MAGI2: variants seen among roughly 807,000 people sequenced by gnomAD.
MAGI2 encodes the protein membrane-associated guanylate kinase, WW and PDZ domain-containing protein 2.
Under a neutral mutation model 133.3 loss-of-function variants are expected in MAGI2, and 35 were observed. That is an observed-to-expected ratio of 0.26 (90% CI 0.20 to 0.35). The LOEUF (loss-of-function observed/expected upper bound fraction) is 0.35, where lower values mean the gene tolerates loss of function less well. MAGI2 is among the 10% of genes least tolerant of loss of function. MAGI2 has a pLI of 1.00. For missense variants in MAGI2, 1,636 were observed against 1,863.4 expected (o/e 0.88, Z 2.25); for synonymous variants, 729 against 710.6 (o/e 1.03, Z -0.41).
intron 6 of MAGI2, among the ~76,000 whole-genome samples, chr7:78,414,740 C>T (rs888454830): frequency 6.6e-6 from 1 of 151,942 alleles, no homozygotes; most frequent in African/African-American, 2.4e-5. Context: ...GCAGACCCAG[C>T]CCTATGCCTC....
At chr7:78,643,476 T>C (rs532414843) in intron 2 of MAGI2, among the ~76,000 whole-genome samples, 79 of 152,220 alleles carry the variant, frequency 5.2e-4, no homozygotes, top group African/African-American at 1.7e-3. Context: ...AAATGACTTG[T>C]AGAAATTTCA....
chr7:79,028,235 G>GTA (rs1174096501), intron 1 of MAGI2, among the ~76,000 whole-genome samples: 3,640 of 28,662 alleles, frequency 0.13, 52 homozygotes, highest in Non-Finnish European at 0.19. Flanking sequence ...ATATATGTAT[G>GTA]TATATATATA....
intron 9 of MAGI2, among the ~76,000 whole-genome samples, chr7:78,316,078 T>C (rs564891383): frequency 6.6e-6 from 1 of 152,348 alleles, no homozygotes; most frequent in African/African-American, 2.4e-5. Context: ...GCTGTCCGTC[T>C]GTGAGTGACA....
At chr7:78,134,926 G>T in intron 17 of MAGI2, 95 bp downstream of exon 17, 2 of 1,052,810 alleles carry the variant, frequency 1.9e-6, no homozygotes, top group Non-Finnish European at 2.8e-6. Context: ...ACGGCAGGCA[G>T]GTGCACTCCG....
At chr7:79,231,703 T>C (rs1585269113) in intron 1 of MAGI2, among the ~76,000 whole-genome samples, 1 of 134,732 alleles carries the variant, frequency 7.4e-6, no homozygotes, top group East Asian at 2.1e-4. Context: ...GCTGAGACAG[T>C]GGGGTTTTCT....
At chr7:78,557,230 T>A (rs1302972051) in intron 3 of MAGI2, among the ~76,000 whole-genome samples, 1 of 152,142 alleles carries the variant, frequency 6.6e-6, no homozygotes, top group Non-Finnish European at 1.5e-5. Context: ...CTGTACTGAA[T>A]TGCCAATTTC....
chr7:78,510,785 C>T (rs893692523), intron 4 of MAGI2, among the ~76,000 whole-genome samples: 3 of 152,140 alleles, frequency 2.0e-5, no homozygotes, highest in Non-Finnish European at 2.9e-5. Context: ...GGGCTGCTAC[C>T]GAGCTACAAA....
At chr7:78,504,985 ATCTC>A (rs1794959002) in intron 4 of MAGI2, among the ~76,000 whole-genome samples, 1 of 152,164 alleles carries the variant, frequency 6.6e-6, no homozygotes, top group African/African-American at 2.4e-5. Flanking sequence ...ATATAGTTAT[ATCTC>A]TATATAAGCA....
chr7:78,151,183 T>A (rs544889951), intron 16 of MAGI2, among the ~76,000 whole-genome samples: 2 of 151,852 alleles, frequency 1.3e-5, no homozygotes, highest in Non-Finnish European at 2.9e-5. Flanking sequence ...TGTTCAGGAC[T>A]GAAAAAGCGG....
chr7:78,145,225 C>A (rs1823180436), intron 16 of MAGI2, among the ~76,000 whole-genome samples: 1 of 152,222 alleles, frequency 6.6e-6, no homozygotes. Flanking sequence ...CTTCTAGCAT[C>A]CAGCATTACT....
intron 2 of MAGI2, among the ~76,000 whole-genome samples, chr7:78,715,316 A>G (rs1269583651): frequency 6.6e-6 from 1 of 152,172 alleles, no homozygotes; most frequent in African/African-American, 2.4e-5. Context: ...ATTGTCCTGG[A>G]AGTTTAAGAA....
intron 1 of MAGI2, among the ~76,000 whole-genome samples, chr7:79,051,533 G>T (rs1182340205): frequency 6.6e-6 from 1 of 152,158 alleles, no homozygotes; most frequent in Non-Finnish European, 1.5e-5. Context: ...CAGGAGCAAA[G>T]TTCAGGATAT....
intron 15 of MAGI2, 139 bp from the exon 16 acceptor site, chr7:78,160,412 G>C (rs1563198108): frequency 1.0e-6 from 1 of 971,566 alleles, no homozygotes; most frequent in East Asian, 3.0e-5. Context: ...CAGATTTGCA[G>C]AGCATTTGAA....
intron 21 of MAGI2, chr7:78,078,216 A>G: frequency 6.6e-6 from 1 of 152,508 alleles, no homozygotes; most frequent in Non-Finnish European, 1.5e-5. Context: ...CACTGAGATT[A>G]TCTTTAAAGG....
intron 2 of MAGI2, among the ~76,000 whole-genome samples, chr7:78,861,954 C>A (rs1794185718): frequency 6.6e-6 from 1 of 152,074 alleles, no homozygotes; most frequent in African/African-American, 2.4e-5. Context: ...TCTTACTGAC[C>A]TATTTATTAA....
At chr7:78,689,682 C>CTTTTTTTTTTTTTTTT (rs200333526) in intron 2 of MAGI2, among the ~76,000 whole-genome samples, 19 of 92,014 alleles carry the variant, frequency 2.1e-4, no homozygotes, top group South Asian at 8.8e-4. Context: ...TTGGATCTGG[C>CTTTTTTTTTTTTTTTT]TTTTTTTTTT....
intron 2 of MAGI2, among the ~76,000 whole-genome samples, chr7:78,704,778 C>CTTTTTTTTTTTCCTTT (rs1554535242): frequency 2.1e-4 from 10 of 47,364 alleles, no homozygotes; most frequent in Admixed American, 1.7e-3. Context: ...GGCCATTATT[C>CTTTTTTTTTTTCCTTT]TTTTTTTTTT....
chr7:78,778,744 T>C (rs1027366448), intron 2 of MAGI2, among the ~76,000 whole-genome samples: 1 of 152,174 alleles, frequency 6.6e-6, no homozygotes, highest in Non-Finnish European at 1.5e-5. Flanking sequence ...TTGGGCAAGA[T>C]AACTTAATGG....
At chr7:78,345,103 G>C (rs1285826889) in intron 8 of MAGI2, among the ~76,000 whole-genome samples, 1 of 152,078 alleles carries the variant, frequency 6.6e-6, no homozygotes, top group Non-Finnish European at 1.5e-5. Flanking sequence ...TTAGACTTCT[G>C]CTTTTACTGT....
Sources: gnomAD v4.1 joint callset for allele counts (sites outside exome capture counted in the v4.1 genomes callset) on GRCh38, gnomAD v4.1.1 for gene constraint, MANE v1.5 for transcripts, NCBI Gene and HGNC (gene_info 2026-07-23, HGNC 2026-07-21) for gene names.